The following QARS1 variants were observed in gnomAD, a reference collection of about 807,000 sequenced individuals.
The protein encoded by QARS1 is glutamine--tRNA ligase.
In QARS1, 79 loss-of-function variants were observed where a neutral mutation model predicts 106.9. The ratio of observed to expected loss-of-function variants is 0.74; its 90% CI spans 0.62 to 0.89. The LOEUF is 0.89. Ranked by LOEUF, QARS1 falls within the 40% of genes least tolerant of loss-of-function variation. The pLI is 0.00. For missense variants in QARS1, 966 were observed against 997.2 expected, an observed-to-expected ratio of 0.97 and a Z score of 0.42; for synonymous variants, 395 against 367.7, an observed-to-expected ratio of 1.07 and a Z score of -0.85.
In QARS1 at chr3:49,098,074, A is replaced by G. The variant is rs763741745; in HGVS notation, c.2195T>C (p.Val732Ala). 8 of 1,614,202 alleles carry G rather than the reference A, an allele frequency of 5.0e-6. No homozygotes were observed. Among genetic ancestry groups the G allele is most frequent in the Non-Finnish European group, 5.9e-6 (7 of 1,180,038 alleles). ...VVDAALVDCS[V>A]ALAKPFDKFQ... ...CTTGTCGAAGGGTTTTGCCAGGGCC[A>G]CAGAGCAGTCCACTAATGCTGCATC... Residue 732 changes from valine (V) to alanine (A), a missense_variant, in exon 23 of 24, where the codon GTG becomes GCG. By Grantham distance (64) the Val-to-Ala change is moderately conservative. Transcript: ENST00000306125.
rs1463552186 is a variant in QARS1 at position 49,099,258 on chromosome 3, C to A, written c.1615-5G>T. ...TTGTGCCACAGTCACTCCCACCTGG[C>A]AGGAAAGTTCAGCATCAGTCACAGC... is the stretch of plus-strand genomic sequence containing the variant. On this transcript the variant is annotated splice_region_variant and splice_polypyrimidine_tract_variant and intron_variant, in intron 17 of 23. Transcript: ENST00000306125. The A allele has an allele frequency of 6.2e-7, 1 of 1,614,170 alleles. No individual in the cohort carries two copies. The highest frequency in any genetic ancestry group is 1.1e-5 in the South Asian group (1 of 91,082).
In QARS1 at chr3:49,098,432, C is replaced by T; in HGVS notation, c.2005G>A (p.Asp669Asn). ...ESLEVTCRRA[D>N]AGEKPKAFIH... ...AAGGCCTTTGGCTTCTCTCCAGCAT[C>T]TGCCCGTCTGCAGGTCACCTCCAGA... Residue 669 changes from aspartate (D) to asparagine (N), a missense_variant, in exon 21 of 24, where the codon GAT (aspartate) becomes AAT (asparagine). By Grantham distance (23) the Asp-to-Asn change is conservative. Transcript: ENST00000306125. The T allele has an allele frequency of 6.2e-7, 1 of 1,614,260 alleles. No individual in the cohort carries two copies. Among genetic ancestry groups the T allele is most frequent in the Non-Finnish European group, 8.5e-7 (1 of 1,180,048 alleles).
intron 10 of QARS1, 95 bp downstream of exon 10, chr3:49,101,260 T>C (rs1290312825): frequency 2.1e-5 from 20 of 964,552 alleles, no homozygotes; most frequent in Non-Finnish European, 3.0e-5. Context: ...CCTGGGTACA[T>C]TATTGGGAGC....
chr3:49,103,663 T>C lies in QARS1; in HGVS notation c.419A>G (p.Glu140Gly), dbSNP rs750778308. The change falls in exon 4 of 24, where the codon GAA becomes GGA. Residue 140 changes from glutamate (E) to glycine (G), a missense_variant. Glu to Gly is a moderately conservative substitution (Grantham distance 98, BLOSUM62 -2). Coordinates refer to ENST00000306125, the MANE Select transcript of QARS1 (RefSeq NM_005051.3). ...CAGCCCCATGTTGAAATGGTAACGT[T>C]CCACCAGGAGCTGGGGCCGGTGCCT... is the stretch of plus-strand genomic sequence containing the variant. ...INRHRPQLLV[E>G]RYHFNMGLLM... 1.2e-5 allele frequency: 20 copies of C among 1,613,712 alleles called. No homozygotes were observed. Among genetic ancestry groups the C allele is most frequent in the Non-Finnish European group, 1.6e-5 (19 of 1,179,908 alleles).
Position 49,104,465 on chromosome 3 carries a change from G to A in QARS1, c.124C>T (p.Gln42Ter). 1 of 1,614,096 alleles carries A rather than the reference G, an allele frequency of 6.2e-7. No individual in the cohort carries two copies. The highest frequency in any genetic ancestry group is 8.5e-7 in the Non-Finnish European group (1 of 1,180,038). ...QLREAATQAQ[Q>*]TLGSTIDKAT... ...TTGTCAATGGTGGAACCCAGGGTCT[G>A]CTGAGCCTGAGGTCAGAGGGGTCAA... Residue 42 changes from glutamine (Q) to a stop codon, truncating the protein, a stop_gained, in exon 2 of 24, where the codon CAG becomes TAG. Transcript: ENST00000306125. LOFTEE classifies it high-confidence loss of function.
At chr3:49,102,088 G>C (rs2042478980) in intron 7 of QARS1, 117 bp downstream of exon 7, 2 of 1,408,404 alleles carry the variant, frequency 1.4e-6, no homozygotes, top group East Asian at 2.3e-5. Context: ...TCCCAGTCTT[G>C]AGACAGAAGT....
At position 49,103,338 on chromosome 3, in the gene QARS1, C is replaced by T. The variant is rs1242336173; in HGVS notation, c.516+7G>A. ...TTGCCAGCTTCAGCTTAGTGAAGCACGCTCACCTGCATGTCCACTTCATTC... is the reference window on the plus strand; with the variant it reads ...TTGCCAGCTTCAGCTTAGTGAAGCATGCTCACCTGCATGTCCACTTCATTC... On this transcript the variant is annotated splice_region_variant and intron_variant, in intron 5 of 23. Transcript: ENST00000306125. 15 of 1,613,706 alleles carry T rather than the reference C, an allele frequency of 9.3e-6. No individual in the cohort carries two copies. The highest frequency in any genetic ancestry group is 2.7e-5 in the African/African-American group (2 of 74,890).
chr3:49,098,944 C>T lies in QARS1; in HGVS notation c.1804G>A (p.Gly602Ser). 1 of 1,614,084 alleles carries T rather than the reference C, an allele frequency of 6.2e-7. No homozygotes were observed. Among genetic ancestry groups the T allele is most frequent in the East Asian group, 2.2e-5 (1 of 44,884 alleles). Reference protein sequence around the residue: ...VPNFPADETKGFHQVPFAPIV... With the variant: ...VPNFPADETKSFHQVPFAPIV... ...GGTGCAAAGGGAACCTGATGGAAGC[C>T]TTTGGTCTCATCAGCTGGGAAGTTG... Residue 602 changes from glycine (G) to serine (S), a missense_variant, in exon 19 of 24, where the codon GGC (glycine) becomes AGC (serine). Transcript: ENST00000306125.
At position 49,102,409 on chromosome 3, in the gene QARS1, C is replaced by G. The variant is rs375202901; in HGVS notation, c.570+10G>C. ...CACCCTCAGGGACTCAGGGCCATGC[C>G]CATCCCTACCTTGAACTTCTTCTCC... On this transcript the variant is annotated intron_variant, in intron 6 of 23. Transcript: ENST00000306125. 2.5e-5 allele frequency: 40 copies of G among 1,614,048 alleles called. No homozygotes were observed. Among genetic ancestry groups the G allele is most frequent in the Non-Finnish European group, 3.4e-5 (40 of 1,180,034 alleles).
chr3:49,104,327 T>G lies in QARS1; in HGVS notation c.262A>C (p.Ser88Arg), dbSNP rs751342771. 3 of 1,613,940 alleles carry G rather than the reference T, an allele frequency of 1.9e-6. No homozygotes were observed. In the African/African-American group the frequency reaches 4.0e-5, roughly 22 times the overall value. Reference protein sequence around the residue: ...SKKIHTEPQLSAALEYVRSHP... With the variant: ...SKKIHTEPQLRAALEYVRSHP... ...GCAGGACAGGTAGGGGTCTCACCGC[T>G]TAGCTGGGGCTCAGTGTGGATCTTC... is the stretch of plus-strand genomic sequence containing the variant. Residue 88 changes from serine (S) to arginine (R), a missense_variant, in exon 2 of 24, where the codon AGC (serine) becomes CGC (arginine). Ser to Arg is a moderately radical substitution (Grantham distance 110). Coordinates refer to ENST00000306125, the MANE Select transcript of QARS1 (RefSeq NM_005051.3).
Position 49,100,653 on chromosome 3 carries a change from GA to G in QARS1, c.897del (p.Leu300CysfsTer23). On this transcript the variant is annotated frameshift_variant, in exon 11 of 24. Coordinates refer to ENST00000306125, the MANE Select transcript of QARS1 (RefSeq NM_005051.3). LOFTEE classifies it high-confidence loss of function. ...TCAGGGTTGGTGTCATCAAAACGCA[GA>G]AAACAGATGCCATTGTTGGCCTAGG... ...GYAKANNGIC[F>X]LRFDDTNPEK... The G allele has an allele frequency of 6.2e-7, 1 of 1,605,202 alleles. No homozygotes were observed. Among genetic ancestry groups the G allele is most frequent in the Non-Finnish European group, 8.5e-7 (1 of 1,171,806 alleles).
At chr3:49,101,223 G>A in intron 10 of QARS1, 132 bp downstream of exon 10, 1 of 685,652 alleles carries the variant, frequency 1.5e-6, no homozygotes, top group Non-Finnish European at 2.5e-6. Context: ...TGTCACACAT[G>A]TGGTTCCTTT....
chr3:49,100,356 T>C (rs2042453101), intron 12 of QARS1, 24 bp downstream of exon 12: 2 of 1,614,206 alleles, frequency 1.2e-6, no homozygotes, highest in Non-Finnish European at 8.5e-7. Flanking sequence ...TCTGCCTGGC[T>C]CTACGTCATG....
chr3:49,101,842 T>C lies in QARS1; in HGVS notation c.689A>G (p.Lys230Arg). 1 of 1,612,584 alleles carries C rather than the reference T, an allele frequency of 6.2e-7. No homozygotes were observed. The highest frequency in any genetic ancestry group is 8.5e-7 in the Non-Finnish European group (1 of 1,179,240). Residue 230 changes from lysine (K) to arginine (R), a missense_variant, in exon 8 of 24, where the codon AAG becomes AGG. Transcript: ENST00000306125. ...LMEQLRGEAL[K>R]FHKPGENYKT... ...TGCCCACTAACCAGGCTTGTGGAAC[T>C]TAAGGGCCTCCCCCCGGAGCTGCTC...
intron 4 of QARS1, 22 bp downstream of exon 4, chr3:49,103,609 C>T (rs905896236): frequency 3.1e-6 from 5 of 1,610,304 alleles, no homozygotes; most frequent in Non-Finnish European, 4.2e-6. Context: ...AACAATATAG[C>T]CCCGTTCCAG....
chr3:49,102,174 A>T lies in QARS1; in HGVS notation c.631+31T>A, dbSNP rs185957303. On this transcript the variant is annotated intron_variant, in intron 7 of 23. Coordinates refer to ENST00000306125, the MANE Select transcript of QARS1 (RefSeq NM_005051.3). ...AGGAGGTTCAGAAGTCAGGGAGCTGAATGCTGTGACAGGAGTCTCAAGCTT... is the reference window on the plus strand; with the variant it reads ...AGGAGGTTCAGAAGTCAGGGAGCTGTATGCTGTGACAGGAGTCTCAAGCTT... 5 of 1,614,066 alleles carry T rather than the reference A, an allele frequency of 3.1e-6. No homozygotes were observed. The African/African-American group carries it at 5.3e-5, about 17-fold the overall frequency.
In QARS1 at chr3:49,104,565, G is replaced by A. The variant is rs1575404589; in HGVS notation, c.117+52C>T. 3.8e-6 allele frequency: 6 copies of A among 1,597,480 alleles called. No homozygotes were observed. In the East Asian group the frequency reaches 9.0e-5, roughly 24 times the overall value. On this transcript the variant is annotated intron_variant, in intron 1 of 23. Coordinates refer to ENST00000306125, the MANE Select transcript of QARS1 (RefSeq NM_005051.3). Reference sequence around the variant, plus strand: ...GGTCGGGATCTGGACCCCGCCCCGCGCTGCGTTGCAGCATGGTCTGCAAAC... The same window carrying A: ...GGTCGGGATCTGGACCCCGCCCCGCACTGCGTTGCAGCATGGTCTGCAAAC...
Position 49,104,625 on chromosome 3 carries a change from C to T in QARS1, c.109G>A (p.Ala37Thr). 6.2e-7 allele frequency: 1 copy of T among 1,602,822 alleles called. No individual in the cohort carries two copies. The highest frequency in any genetic ancestry group is 8.5e-7 in the Non-Finnish European group (1 of 1,171,650). ...GGCAGAGGGGCTCGCACCTGAGTAG[C>T]GGCCTCGCGCAGCTGCGCGCTCAGA... ...SALSAQLREA[A>T]TQAQQTLGST... The change falls in exon 1 of 24, where the codon GCT becomes ACT. Residue 37 changes from alanine (A) to threonine (T), a missense_variant. Transcript: ENST00000306125.
chr3:49,103,876 T>G lies in QARS1; in HGVS notation c.362A>C (p.Gln121Pro). The change falls in exon 3 of 24, where the codon CAG (glutamine) becomes CCG (proline). Residue 121 changes from glutamine (Q) to proline (P), a missense_variant. Transcript: ENST00000306125. ...CGVGVIVTPEQIEEAVEAAIN... is the reference protein window; with the variant it reads ...CGVGVIVTPEPIEEAVEAAIN... ...GGAAAGACTCACAGCCTCCTCAATCTGCTCTGGGGTCACAATGACACCCAC... is the reference window on the plus strand; with the variant it reads ...GGAAAGACTCACAGCCTCCTCAATCGGCTCTGGGGTCACAATGACACCCAC... 1.2e-6 allele frequency: 2 copies of G among 1,614,044 alleles called. No individual in the cohort carries two copies. Among genetic ancestry groups the G allele is most frequent in the East Asian group, 2.2e-5 (1 of 44,880 alleles).
Sources: gnomAD v4.1 joint callset for allele counts on GRCh38, gnomAD v4.1.1 for gene constraint, MANE v1.5 for transcripts, NCBI Gene and HGNC (gene_info 2026-07-23, HGNC 2026-07-21) for gene names.